RIMS1: variants seen among roughly 807,000 people sequenced by gnomAD.
RIMS1 encodes regulating synaptic membrane exocytosis protein 1.
A neutral mutation model predicts 214.1 loss-of-function variants in RIMS1; 83 were observed. That is an observed-to-expected ratio of 0.39 (90% CI 0.32 to 0.47). The LOEUF is 0.47. Among genes scored for constraint, RIMS1 ranks in the 20% least tolerant of loss-of-function variants. RIMS1 has a pLI of 0.99. For missense variants in RIMS1, 2,050 were observed against 2,161.8 expected (o/e 0.95, Z 1.03); for synonymous variants, 793 against 786.8 (o/e 1.01, Z -0.13).
intron 29 of RIMS1, among the ~76,000 whole-genome samples, chr6:72,352,121 G>GTTTT (rs2097471937): frequency 6.6e-6 from 1 of 152,172 alleles, no homozygotes; most frequent in Admixed American, 6.6e-5. Context: ...CTCTGCAAAC[G>GTTTT]TTTTACTGTA....
At chr6:71,993,140 T>C (rs940083414) in intron 2 of RIMS1, among the ~76,000 whole-genome samples, 3 of 152,206 alleles carry the variant, frequency 2.0e-5, no homozygotes, top group African/African-American at 7.2e-5. Context: ...GTAAAGCTGC[T>C]TCTTGATGTT....
intron 2 of RIMS1, among the ~76,000 whole-genome samples, chr6:72,030,393 T>G (rs942548176): frequency 5.9e-5 from 9 of 152,184 alleles, no homozygotes; most frequent in Non-Finnish European, 1.0e-4. Context: ...GACCTTTTAT[T>G]TTTACTTAAG....
rs974573327 is a variant in RIMS1 at position 71,886,594 on chromosome 6, C to G, written c.-430C>G. The G allele has an allele frequency of 6.6e-6, 1 of 150,716 alleles. No individual in the cohort carries two copies. The highest frequency in any genetic ancestry group is 1.5e-5 in the Non-Finnish European group (1 of 66,956). 9.3% of individuals were successfully genotyped at this position (150,716 alleles called of 1,614,324 possible). On this transcript the variant is annotated 5_prime_UTR_variant, in exon 1 of 34. Coordinates refer to ENST00000521978, the MANE Select transcript of RIMS1 (RefSeq NM_014989.7). ...CTGGGAGCAGCCTCCACGGCGGCAG[C>G]GGCCGCCCCAGTCCCAGCCCCAGCC...
intron 6 of RIMS1, among the ~76,000 whole-genome samples, chr6:72,207,909 T>C (rs2053199379): frequency 6.6e-6 from 1 of 152,096 alleles, no homozygotes; most frequent in South Asian, 2.1e-4. Flanking sequence ...AGAAATGAAA[T>C]GAGAAAATTA....
intron 6 of RIMS1, among the ~76,000 whole-genome samples, chr6:72,197,086 G>T (rs2051123583): frequency 1.3e-5 from 2 of 152,046 alleles, no homozygotes; most frequent in Admixed American, 1.3e-4. Flanking sequence ...CAGATACTAG[G>T]AGTAGGTGCC....
intron 28 of RIMS1, among the ~76,000 whole-genome samples, chr6:72,327,775 C>T (rs1318049727): frequency 6.6e-6 from 1 of 151,788 alleles, no homozygotes; most frequent in African/African-American, 2.4e-5. Context: ...TATCAAACTA[C>T]TTTGCTATCT....
At chr6:72,313,811 C>T in intron 28 of RIMS1, 139 bp downstream of exon 28, 1 of 837,948 alleles carries the variant, frequency 1.2e-6, no homozygotes, top group Non-Finnish European at 1.8e-6. Flanking sequence ...GTAGTATTGC[C>T]AACAGAATGT....
chr6:72,124,985 T>G (rs2039208915), intron 4 of RIMS1, among the ~76,000 whole-genome samples: 1 of 152,218 alleles, frequency 6.6e-6, no homozygotes, highest in African/African-American at 2.4e-5. Flanking sequence ...TTCTGTCAAC[T>G]CGTCAAAGTC....
At chr6:71,919,288 G>A (rs183554538) in intron 1 of RIMS1, among the ~76,000 whole-genome samples, 2 of 152,108 alleles carry the variant, frequency 1.3e-5, no homozygotes, top group East Asian at 1.9e-4. Flanking sequence ...AAATGTGGAC[G>A]ACTGATTAGA....
At chr6:72,357,884 TAAAC>T (rs1348135182) in intron 29 of RIMS1, among the ~76,000 whole-genome samples, 5 of 152,186 alleles carry the variant, frequency 3.3e-5, no homozygotes, top group African/African-American at 1.2e-4. Flanking sequence ...TCTCTAAAGA[TAAAC>T]ATATATTAGG....
intron 8 of RIMS1, among the ~76,000 whole-genome samples, chr6:72,236,661 A>C (rs975215622): frequency 2.0e-5 from 3 of 151,648 alleles, no homozygotes; most frequent in Non-Finnish European, 4.4e-5. Context: ...GTGCCCTTTT[A>C]TTGTTAGGTC....
chr6:72,298,078 G>T (rs1056460779), intron 26 of RIMS1, among the ~76,000 whole-genome samples: 2 of 151,944 alleles, frequency 1.3e-5, no homozygotes, highest in African/African-American at 4.8e-5. Flanking sequence ...AGGGACTGAG[G>T]GTTTTCCCAA....
intron 6 of RIMS1, among the ~76,000 whole-genome samples, chr6:72,224,209 G>A (rs2059492580): frequency 6.6e-6 from 1 of 152,174 alleles, no homozygotes; most frequent in Non-Finnish European, 1.5e-5. Context: ...TGTGTTCCAG[G>A]TGCATGGTTG....
chr6:72,148,765 G>A (rs2043099852), intron 4 of RIMS1: 3 of 411,328 alleles, frequency 7.3e-6, no homozygotes, highest in African/African-American at 2.1e-5. Flanking sequence ...TTGAGTTTGG[G>A]ACAAAAAGGT....
At chr6:72,150,445 G>A (rs1183128626) in intron 4 of RIMS1, among the ~76,000 whole-genome samples, 1 of 152,162 alleles carries the variant, frequency 6.6e-6, no homozygotes, top group East Asian at 1.9e-4. Context: ...TTTAGGATTT[G>A]TCTGCCTCCT....
At chr6:72,355,779 G>A (rs1162079695) in intron 29 of RIMS1, among the ~76,000 whole-genome samples, 1 of 152,064 alleles carries the variant, frequency 6.6e-6, no homozygotes, top group Middle Eastern at 3.2e-3. Flanking sequence ...CTTCTGACAT[G>A]TCTAATTCGA....
At chr6:72,008,055 G>A (rs1459894159) in intron 2 of RIMS1, among the ~76,000 whole-genome samples, 1 of 152,202 alleles carries the variant, frequency 6.6e-6, no homozygotes. Context: ...AGGAAAAAAT[G>A]TTAAGGGTTG....
chr6:72,327,001 A>T (rs900059980), intron 28 of RIMS1, among the ~76,000 whole-genome samples: 1 of 151,758 alleles, frequency 6.6e-6, no homozygotes, highest in Non-Finnish European at 1.5e-5. Flanking sequence ...GAATTTGGGC[A>T]GCCTACATAA....
intron 4 of RIMS1, among the ~76,000 whole-genome samples, chr6:72,138,086 G>A (rs2041595436): frequency 6.6e-6 from 1 of 152,098 alleles, no homozygotes; most frequent in Admixed American, 6.6e-5. Flanking sequence ...GTGTGTGTGT[G>A]TGTGTATGTA....
Sources: gnomAD v4.1 joint callset for allele counts (sites outside exome capture counted in the v4.1 genomes callset) on GRCh38, gnomAD v4.1.1 for gene constraint, MANE v1.5 for transcripts, NCBI Gene and HGNC (gene_info 2026-07-23, HGNC 2026-07-21) for gene names.